SPATA1: variants seen among roughly 807,000 people sequenced by gnomAD.
SPATA1 encodes the protein spermatogenesis-associated protein 1.
A neutral mutation model predicts 59.6 loss-of-function variants in SPATA1; 57 were observed. The ratio of observed to expected loss-of-function variants is 0.96; its 90% CI spans 0.77 to 1.19. The LOEUF (loss-of-function observed/expected upper bound fraction) is 1.19, where lower values mean the gene tolerates loss of function less well. Ranked by LOEUF, SPATA1 falls within the 50% of genes most tolerant of loss-of-function variation. The probability of loss-of-function intolerance (pLI) is 0.00; values close to 1 mark genes in which losing one functional copy is unlikely to be tolerated. For synonymous variants in SPATA1, 147 were observed against 163.9 expected (o/e 0.90, Z 0.79); for missense variants, 448 against 480.7 (o/e 0.93, Z 0.64).
chr1:84,544,996 G>C (rs1684038036), intron 9 of SPATA1, among the ~76,000 whole-genome samples: 1 of 150,884 alleles, frequency 6.6e-6, no homozygotes, highest in Non-Finnish European at 1.5e-5. Context: ...GGATCACAAG[G>C]TCAGGAGTTC....
chr1:84,510,374 G>T (rs1682483769), intron 1 of SPATA1, among the ~76,000 whole-genome samples: 1 of 152,116 alleles, frequency 6.6e-6, no homozygotes. Flanking sequence ...TTCAAAAGAA[G>T]ACTTACAAAT....
downstream of SPATA1, among the ~76,000 whole-genome samples, chr1:84,556,435 G>A (rs1051944504): frequency 1.3e-5 from 2 of 152,032 alleles, no homozygotes; most frequent in South Asian, 2.1e-4. Context: ...CTTTGGGGCC[G>A]GGCACGGTGT....
intron 8 of SPATA1, among the ~76,000 whole-genome samples, chr1:84,543,862 CAA>C (rs1683991640): frequency 6.6e-6 from 1 of 151,640 alleles, no homozygotes; most frequent in African/African-American, 2.4e-5. Flanking sequence ...AAAATTGACT[CAA>C]GATGAAAAAA....
chr1:84,559,129 A>G (rs1171733772), downstream of SPATA1, among the ~76,000 whole-genome samples: 1 of 152,186 alleles, frequency 6.6e-6, no homozygotes, highest in African/African-American at 2.4e-5. Flanking sequence ...TGGCAACTCT[A>G]TTGAACAAGT....
intron 3 of SPATA1, among the ~76,000 whole-genome samples, chr1:84,521,537 T>A (rs1366832785): frequency 6.6e-6 from 1 of 152,148 alleles, no homozygotes; most frequent in African/African-American, 2.4e-5. Context: ...TGCTCTCCCA[T>A]CTCCTTCAGG....
At chr1:84,511,569 A>G (rs1682549029) in intron 1 of SPATA1, among the ~76,000 whole-genome samples, 1 of 151,746 alleles carries the variant, frequency 6.6e-6, no homozygotes, top group African/African-American at 2.4e-5. Context: ...ACGTGTCTAG[A>G]AAACAAACCT....
intron 6 of SPATA1, among the ~76,000 whole-genome samples, chr1:84,527,211 T>G (rs1453433344): frequency 1.3e-5 from 2 of 152,164 alleles, no homozygotes; most frequent in African/African-American, 4.8e-5. Context: ...ATGCATTTCA[T>G]TTGTAAATGT....
intron 2 of SPATA1, 116 bp from the exon 3 acceptor site, chr1:84,520,469 A>G (rs1682976871): frequency 3.0e-6 from 2 of 670,456 alleles, no homozygotes; most frequent in Non-Finnish European, 4.7e-6. Context: ...AGAGGGATGT[A>G]TGTATTCCAT....
At chr1:84,555,235 T>C (rs772343723), downstream of SPATA1, 21 of 1,507,802 alleles carry the variant, frequency 1.4e-5, no homozygotes, top group Non-Finnish European at 1.8e-6. Flanking sequence ...TTTTAAAGTA[T>C]TTAGTACAAT....
chr1:84,520,315 A>C (rs1682969693), intron 2 of SPATA1: 1 of 304,952 alleles, frequency 3.3e-6, no homozygotes, highest in East Asian at 7.5e-5. Flanking sequence ...ACTGCAGGCC[A>C]CAGAAAAAAA....
At chr1:84,518,884 A>T (rs1682900829) in intron 2 of SPATA1, among the ~76,000 whole-genome samples, 1 of 151,558 alleles carries the variant, frequency 6.6e-6, no homozygotes, top group African/African-American at 2.4e-5. Flanking sequence ...CCTACTTATT[A>T]TTTTTTCCTA....
downstream of SPATA1, among the ~76,000 whole-genome samples, chr1:84,557,180 T>C (rs930453602): frequency 6.6e-6 from 1 of 151,918 alleles, no homozygotes; most frequent in African/African-American, 2.4e-5. Flanking sequence ...CCCAATAGAG[T>C]GATTCTCTTC....
chr1:84,548,767 T>A lies in SPATA1; in HGVS notation c.947-19T>A, dbSNP rs1219689780. On this transcript the variant is annotated intron_variant, in intron 10 of 12. Transcript: ENST00000490879. ...GGCCTTTCCTTTTTTTTTTTTTTTT[T>A]TTTTTTTTTTTTTTATAGCCTACAA... 2 of 1,032,426 alleles carry A rather than the reference T, an allele frequency of 1.9e-6. No homozygotes were observed. The highest frequency in any genetic ancestry group is 2.4e-6 in the Non-Finnish European group (2 of 824,682). The allele number at this position is 1,032,426 out of a possible 1,614,324, so 64.0% of individuals were successfully genotyped here. A position where few individuals can be genotyped will look rare whatever the true frequency, so the allele number is the denominator to read the frequency against.
chr1:84,560,105 GA>G (rs1684561579), intron 4 of SPATA1, among the ~76,000 whole-genome samples: 2 of 63,828 alleles, frequency 3.1e-5, no homozygotes, highest in Admixed American at 3.1e-4. Context: ...AAAAAAGAAA[GA>G]AAGAAAGAAA....
chr1:84,520,920 A>G (rs951143903), intron 3 of SPATA1, among the ~76,000 whole-genome samples: 1 of 152,206 alleles, frequency 6.6e-6, no homozygotes. Flanking sequence ...AGAAAACAGT[A>G]TATAACCTGT....
downstream of SPATA1, among the ~76,000 whole-genome samples, chr1:84,555,369 C>T (rs372462355): frequency 6.6e-6 from 1 of 152,148 alleles, no homozygotes; most frequent in Non-Finnish European, 1.5e-5. Flanking sequence ...ATAACACTTT[C>T]CTATTCTATA....
intron 9 of SPATA1, among the ~76,000 whole-genome samples, chr1:84,545,235 TTATATATCATA>T (rs951904895): frequency 1.6e-4 from 23 of 148,260 alleles, no homozygotes; most frequent in Non-Finnish European, 2.5e-4. Context: ...ATATATATAT[TTATATATCATA>T]TATATATCAT....
At chr1:84,513,838 T>C (rs1682678909) in intron 1 of SPATA1, among the ~76,000 whole-genome samples, 1 of 140,646 alleles carries the variant, frequency 7.1e-6, no homozygotes. Context: ...CTTTTCTATA[T>C]TCTATTTTTT....
At chr1:84,512,371 C>G (rs1195846429) in intron 1 of SPATA1, among the ~76,000 whole-genome samples, 1 of 152,192 alleles carries the variant, frequency 6.6e-6, no homozygotes, top group Non-Finnish European at 1.5e-5. Context: ...TTATAAGGGA[C>G]TAGAAATCTG....
Sources: gnomAD v4.1 joint callset for allele counts (sites outside exome capture counted in the v4.1 genomes callset) on GRCh38, gnomAD v4.1.1 for gene constraint, MANE v1.5 for transcripts, NCBI Gene and HGNC (gene_info 2026-07-23, HGNC 2026-07-21) for gene names.